The following NUDCD3 variants were observed in gnomAD, a reference collection of about 807,000 sequenced individuals.
NUDCD3 encodes the protein nudC domain-containing protein 3.
In NUDCD3, 13 loss-of-function variants were observed where a neutral mutation model predicts 39.7. The observed-to-expected ratio is 0.33, with a 90% confidence interval of 0.21 to 0.52. The LOEUF is 0.52. Among genes scored for constraint, NUDCD3 ranks in the 20% least tolerant of loss-of-function variants. The pLI, the probability that NUDCD3 is intolerant of heterozygous loss-of-function variation, is 0.96. For missense variants in NUDCD3, 453 were observed against 458.1 expected (o/e 0.99, Z 0.10); for synonymous variants, 175 against 172.4 (o/e 1.02, Z -0.12).
intron 2 of NUDCD3, among the ~76,000 whole-genome samples, chr7:44,439,267 G>T (rs1190332611): frequency 6.6e-6 from 1 of 152,148 alleles, no homozygotes; most frequent in Non-Finnish European, 1.5e-5. Context: ...CCATGACAAA[G>T]AACTCACCTA....
At chr7:44,465,112 G>A (rs1030969869) in intron 2 of NUDCD3, among the ~76,000 whole-genome samples, 2 of 152,160 alleles carry the variant, frequency 1.3e-5, no homozygotes, top group East Asian at 1.9e-4. Context: ...GACCCCACAC[G>A]AGCATGGGAC....
chr7:44,453,240 C>G (rs1288278741), intron 2 of NUDCD3, among the ~76,000 whole-genome samples: 1 of 152,100 alleles, frequency 6.6e-6, no homozygotes, highest in African/African-American at 2.4e-5. Context: ...GTAATCCCGG[C>G]TACTCAGGAG....
intron 2 of NUDCD3, among the ~76,000 whole-genome samples, chr7:44,482,207 C>T (rs972696081): frequency 1.3e-5 from 2 of 152,118 alleles, no homozygotes; most frequent in Admixed American, 1.3e-4. Flanking sequence ...TGGCTGAATA[C>T]AAAACTGCAC....
intron 2 of NUDCD3, among the ~76,000 whole-genome samples, chr7:44,477,403 T>C (rs1431264183): frequency 6.6e-6 from 1 of 152,228 alleles, no homozygotes; most frequent in Non-Finnish European, 1.5e-5. Flanking sequence ...TCTTCTCTGT[T>C]AAAGAATTCT....
At chr7:44,428,483 A>G (rs1012408618) in intron 2 of NUDCD3, among the ~76,000 whole-genome samples, 1 of 152,050 alleles carries the variant, frequency 6.6e-6, no homozygotes, top group Non-Finnish European at 1.5e-5. Context: ...TGCAGCTGCT[A>G]AACTTCAATC....
intron 2 of NUDCD3, among the ~76,000 whole-genome samples, chr7:44,456,149 A>C (rs1799895947): frequency 6.6e-6 from 1 of 151,870 alleles, no homozygotes; most frequent in Admixed American, 6.5e-5. Flanking sequence ...CAACACTAGG[A>C]TTAGAGAACA....
chr7:44,420,438 C>G (rs998037385), intron 3 of NUDCD3, among the ~76,000 whole-genome samples: 1 of 152,120 alleles, frequency 6.6e-6, no homozygotes, highest in African/African-American at 2.4e-5. Context: ...ATGATATTAT[C>G]CAGGAGAACT....
chr7:44,468,199 CAAT>C (rs776662162), intron 2 of NUDCD3: 71 of 1,600,224 alleles, frequency 4.4e-5, no homozygotes, highest in Non-Finnish European at 5.4e-5. Context: ...AGATCGCTCA[CAAT>C]GTTTCCTCCA....
In NUDCD3 at chr7:44,381,133, C is replaced by G. The variant is rs1798298745; in HGVS notation, c.*4878G>C. ...TGCTGGAGGATCCTCCCTCTGCCTT[C>G]CCCATCCAACACAGATCATCTCCAA... On this transcript the variant is annotated 3_prime_UTR_variant, in exon 6 of 6. Transcript: ENST00000355451. 6.6e-6 allele frequency: 1 copy of G among 152,276 alleles called. No homozygotes were observed. The highest frequency in any genetic ancestry group is 1.5e-5 in the Non-Finnish European group (1 of 68,112). 9.4% of individuals were successfully genotyped at this position (152,276 alleles called of 1,614,324 possible).
In NUDCD3 at chr7:44,384,408, G is replaced by A. The variant is rs1200145326; in HGVS notation, c.*1603C>T. 1 of 152,206 alleles carries A rather than the reference G, an allele frequency of 6.6e-6. No individual in the cohort carries two copies. The highest frequency in any genetic ancestry group is 1.5e-5 in the Non-Finnish European group (1 of 68,082). 9.4% of individuals were successfully genotyped at this position (152,206 alleles called of 1,614,324 possible). A position where few individuals can be genotyped will look rare whatever the true frequency, so the allele number is the denominator to read the frequency against. ...TTTAGAGGGGCTTCACCAGCTCAGT[G>A]GCAAATATCAGACAACAAGACTCTC... On this transcript the variant is annotated 3_prime_UTR_variant, in exon 6 of 6. Transcript: ENST00000355451.
At chr7:44,449,387 G>A (rs1477588962) in intron 2 of NUDCD3, among the ~76,000 whole-genome samples, 1 of 152,222 alleles carries the variant, frequency 6.6e-6, no homozygotes, top group Non-Finnish European at 1.5e-5. Context: ...TCCATAGCTT[G>A]TGAGAAAGCC....
At position 44,485,208 on chromosome 7, in the gene NUDCD3, C is replaced by T; in HGVS notation, c.269G>A (p.Arg90Lys). ...RRQELEEKIR[R>K]KEEEEAKTVS... is the part of the protein sequence containing the mutation. ...AGTCTTGGCCTCTTCCTCTTCCTTT[C>T]TTCTGATTTTCTCTTCAAGTTCCTG... Residue 90 changes from arginine (R) to lysine (K), a missense_variant, in exon 2 of 6, where the codon AGA (arginine) becomes AAA (lysine). By Grantham distance (26) the Arg-to-Lys change is conservative (BLOSUM62 2). Coordinates refer to ENST00000355451, the MANE Select transcript of NUDCD3 (RefSeq NM_015332.4). The T allele has an allele frequency of 6.2e-7, 1 of 1,614,212 alleles. No individual in the cohort carries two copies. The highest frequency in any genetic ancestry group is 1.1e-5 in the South Asian group (1 of 91,090).
intron 3 of NUDCD3, among the ~76,000 whole-genome samples, chr7:44,412,226 T>C (rs1049590575): frequency 3.3e-5 from 5 of 152,210 alleles, no homozygotes; most frequent in African/African-American, 1.2e-4. Flanking sequence ...AAAAAACACA[T>C]CCACGTGTAC....
chr7:44,386,113 A>T lies in NUDCD3; in HGVS notation c.984T>A (p.His328Gln). The change falls in exon 6 of 6, where the codon CAT (histidine) becomes CAA (glutamine). Residue 328 changes from histidine (H) to glutamine (Q), a missense_variant. By Grantham distance (24) the His-to-Gln change is conservative (BLOSUM62 0). Coordinates refer to ENST00000355451, the MANE Select transcript of NUDCD3 (RefSeq NM_015332.4). ...CATCCCACCCCTTCTTCAGCATCTCATGGACTTTCTACAAACAGAAAATAG... is the reference window on the plus strand; with the variant it reads ...CATCCCACCCCTTCTTCAGCATCTCTTGGACTTTCTACAAACAGAAAATAG... Reference protein sequence around the residue: ...GKPQSHELKVHEMLKKGWDAE... With the variant: ...GKPQSHELKVQEMLKKGWDAE... The T allele has an allele frequency of 2.5e-6, 4 of 1,614,140 alleles. No individual in the cohort carries two copies. The highest frequency in any genetic ancestry group is 3.4e-6 in the Non-Finnish European group (4 of 1,179,978).
At chr7:44,456,025 CAAAAAAAAAAAAAA>C (rs1233592095) in intron 2 of NUDCD3, among the ~76,000 whole-genome samples, 1 of 28,498 alleles carries the variant, frequency 3.5e-5, no homozygotes, top group African/African-American at 1.5e-4. Context: ...GACTCCGTCT[CAAAAAAAAAAAAAA>C]AAAAAAAAAA....
intron 4 of NUDCD3, among the ~76,000 whole-genome samples, chr7:44,401,192 C>T (rs1798718421): frequency 1.3e-5 from 2 of 152,178 alleles, no homozygotes; most frequent in Admixed American, 6.5e-5. Context: ...CATCCACACG[C>T]TCAAAGCAGT....
At position 44,402,056 on chromosome 7, in the gene NUDCD3, T is replaced by C. The variant is rs141921605; in HGVS notation, c.786+2384A>G. Among the ~76,000 whole-genome samples the C allele has an allele frequency of 4.3e-3, 648 of 152,334 alleles. 7 individuals are homozygous for C. Among genetic ancestry groups the C allele is most frequent in the African/African-American group, 0.015 (617 of 41,564 alleles). On this transcript the variant is annotated intron_variant, in intron 4 of 5. Transcript: ENST00000355451. The stretch of plus-strand genomic sequence containing the variant: ...CCTTTCAGCTGAAACGGAGCAATGC[T>C]TCCCAGCCCCGACAGGTCTGAGCCT...
chr7:44,388,259 G>A (rs11772154), intron 5 of NUDCD3, among the ~76,000 whole-genome samples: 19,564 of 152,230 alleles, frequency 0.13, 1,672 homozygotes, highest in Non-Finnish European at 0.19. Flanking sequence ...CGACGTGAAC[G>A]GCAGATGGAG....
At chr7:44,464,733 T>C (rs1563185182) in intron 2 of NUDCD3, among the ~76,000 whole-genome samples, 1 of 152,192 alleles carries the variant, frequency 6.6e-6, no homozygotes, top group Non-Finnish European at 1.5e-5. Flanking sequence ...GGATTACAGG[T>C]GTGAGACACC....
Sources: allele counts gnomAD v4.1 joint callset (sites outside exome capture counted in the v4.1 genomes callset), GRCh38; gene constraint gnomAD v4.1.1; transcripts MANE v1.5; gene names NCBI Gene and HGNC (gene_info 2026-07-23, HGNC 2026-07-21).